LATS1: variants seen among roughly 807,000 people sequenced by gnomAD.
The protein encoded by LATS1 is serine/threonine-protein kinase LATS1.
Under a neutral mutation model 106.6 loss-of-function variants are expected in LATS1, and 25 were observed. The ratio of observed to expected loss-of-function variants is 0.23; its 90% CI spans 0.17 to 0.33. The LOEUF is 0.33. Ranked by LOEUF, LATS1 falls within the 10% of genes least tolerant of loss-of-function variation. The probability of loss-of-function intolerance (pLI) is 1.00; values close to 1 mark genes in which losing one functional copy is unlikely to be tolerated. For missense variants in LATS1, 1,040 were observed against 1,382.6 expected, an observed-to-expected ratio of 0.75 and a Z score of 3.93; for synonymous variants, 465 against 455.6, an observed-to-expected ratio of 1.02 and a Z score of -0.26.
At chr6:149,687,789 G>A (rs1288845339) in intron 3 of LATS1, among the ~76,000 whole-genome samples, 3 of 151,436 alleles carry the variant, frequency 2.0e-5, no homozygotes, top group East Asian at 1.9e-4. Flanking sequence ...GGCTGGTCTC[G>A]AACTCCTGGC....
chr6:149,706,183 C>CAAAAAAAAAAAA lies in LATS1; in HGVS notation c.-140-3929_-140-3918dup, dbSNP rs60729757. On this transcript the variant is annotated intron_variant, in intron 1 of 7. Transcript: ENST00000543571. Reference sequence around the variant, plus strand: ...GGGCAACAAGAGCGAAACCCGGTCGCAAAAAAAAAAAAAAAAAAAAAAAAA... The same window carrying CAAAAAAAAAAAA: ...GGGCAACAAGAGCGAAACCCGGTCGCAAAAAAAAAAAAAAAAAAAAAAAAAAAAAAAAAAAAA... Among the ~76,000 whole-genome samples the CAAAAAAAAAAAA allele has an allele frequency of 4.0e-4, 10 of 25,300 alleles. 2 individuals carry two copies. The highest frequency in any genetic ancestry group is 4.3e-4 in the Non-Finnish European group (6 of 14,072). The allele number at this position is 25,300 out of a possible 152,430, so 16.6% of individuals were successfully genotyped here.
intron 7 of LATS1, among the ~76,000 whole-genome samples, chr6:149,671,037 T>C (rs572171645): frequency 9.9e-5 from 15 of 152,110 alleles, no homozygotes; most frequent in Admixed American, 4.6e-4. Flanking sequence ...AAAAGTACTA[T>C]AGCTTTAAGC....
rs779035607 is a variant in LATS1, at chr6:149,718,043, A to G, written c.-335T>C. The G allele has an allele frequency of 1.5e-4, 49 of 328,956 alleles. 1 individual carries two copies. The highest frequency in any genetic ancestry group is 4.5e-4 in the Admixed American group (8 of 17,916). 20.4% of individuals were successfully genotyped at this position (328,956 alleles called of 1,614,324 possible). On this transcript the variant is annotated 5_prime_UTR_variant, in exon 1 of 8. Coordinates refer to ENST00000543571, the MANE Select transcript of LATS1 (RefSeq NM_004690.4). ...CTGGCTCTCCCCTTAACACCAGGCC[A>G]CCGCCGCCGCCGCCGCCATTTTGCC...
intron 5 of LATS1, among the ~76,000 whole-genome samples, chr6:149,679,181 T>C (rs566101117): frequency 6.6e-6 from 1 of 152,280 alleles, no homozygotes; most frequent in East Asian, 1.9e-4. Context: ...AGTGATTGTT[T>C]AAGGGCTTCT....
intron 1 of LATS1, among the ~76,000 whole-genome samples, chr6:149,704,928 A>T (rs929951018): frequency 2.1e-5 from 3 of 141,458 alleles, no homozygotes; most frequent in African/African-American, 7.7e-5. Context: ...ACACACACAC[A>T]ATTTGCAGCA....
At chr6:149,693,580 G>A (rs140061156) in intron 3 of LATS1, among the ~76,000 whole-genome samples, 218 of 150,560 alleles carry the variant, frequency 1.4e-3, no homozygotes, top group African/African-American at 5.1e-3. Context: ...ACTGCACTCC[G>A]GCCTGGGTGA....
chr6:149,703,362 C>G (rs1783573704), intron 1 of LATS1, among the ~76,000 whole-genome samples: 1 of 152,206 alleles, frequency 6.6e-6, no homozygotes, highest in Non-Finnish European at 1.5e-5. Flanking sequence ...AAGCTATGAA[C>G]TAGGACTCTG....
intron 2 of LATS1, among the ~76,000 whole-genome samples, chr6:149,698,694 C>T (rs1245204664): frequency 6.6e-6 from 1 of 151,840 alleles, no homozygotes; most frequent in Non-Finnish European, 1.5e-5. Context: ...GCTGGGACTA[C>T]AAGCATGTGC....
At chr6:149,667,753 T>G (rs1781234835) in intron 7 of LATS1, among the ~76,000 whole-genome samples, 1 of 152,148 alleles carries the variant, frequency 6.6e-6, no homozygotes, top group East Asian at 1.9e-4. Flanking sequence ...CCCAGACCTA[T>G]CATAATTACG....
chr6:149,665,873 T>C (rs992269285), intron 7 of LATS1, among the ~76,000 whole-genome samples: 3 of 152,086 alleles, frequency 2.0e-5, no homozygotes, highest in African/African-American at 7.2e-5. Context: ...CTGGGCACGG[T>C]GGCTCACGCT....
chr6:149,680,265 T>A lies in LATS1; in HGVS notation c.2203A>T (p.Thr735Ser), dbSNP rs772948162. The A allele has an allele frequency of 1.2e-6, 2 of 1,613,882 alleles. No homozygotes were observed. Among genetic ancestry groups the A allele is most frequent in the Non-Finnish European group, 8.5e-7 (1 of 1,179,974 alleles). ...AGAAGAACATCTTTCTTTCGAAGAG[T>A]TTTTGTTGCATACAAAGCCTTAGTA... ...VDTKALYATK[T>S]LRKKDVLLRN... is the part of the protein sequence containing the mutation. Residue 735 changes from threonine (T) to serine (S), a missense_variant, in exon 5 of 8, where the codon ACT becomes TCT. By Grantham distance (58) the Thr-to-Ser change is moderately conservative. Around this residue, in one of 7 missense-constraint regions of LATS1, gnomAD observed 167 missense variants for 332.1 expected, o/e 0.50. Coordinates refer to ENST00000543571, the MANE Select transcript of LATS1 (RefSeq NM_004690.4).
At chr6:149,672,970 A>G (rs1194609407) in intron 7 of LATS1, among the ~76,000 whole-genome samples, 2 of 151,802 alleles carry the variant, frequency 1.3e-5, no homozygotes, top group African/African-American at 4.9e-5. Flanking sequence ...GAAGAAATGG[A>G]TAGATTTTAT....
intron 1 of LATS1, among the ~76,000 whole-genome samples, chr6:149,716,856 GT>G (rs1323703874): frequency 3.3e-5 from 5 of 152,118 alleles, no homozygotes. Flanking sequence ...CTTTGTTTTC[GT>G]AGCACAGAAC....
intron 2 of LATS1, among the ~76,000 whole-genome samples, chr6:149,698,249 T>C (rs929862010): frequency 2.0e-5 from 3 of 152,132 alleles, no homozygotes; most frequent in African/African-American, 7.2e-5. Flanking sequence ...CTTTTTTTTT[T>C]TTTTTCCCAT....
At chr6:149,689,483 A>C (rs1582889214) in intron 3 of LATS1, among the ~76,000 whole-genome samples, 2 of 151,806 alleles carry the variant, frequency 1.3e-5, no homozygotes, top group East Asian at 1.9e-4. Flanking sequence ...TGTTTAGTGA[A>C]ACTCCAGTCA....
intron 1 of LATS1, among the ~76,000 whole-genome samples, chr6:149,703,624 G>T (rs1394470213): frequency 6.6e-6 from 1 of 152,122 alleles, no homozygotes; most frequent in Admixed American, 6.5e-5. Context: ...CAACACTTGG[G>T]AGGCCAAGAA....
chr6:149,692,679 T>G (rs1582894979), intron 3 of LATS1, among the ~76,000 whole-genome samples: 2 of 146,796 alleles, frequency 1.4e-5, no homozygotes, highest in Non-Finnish European at 3.0e-5. Flanking sequence ...TTTTCTTTCT[T>G]TTTTTTTTTT....
Position 149,701,936 on chromosome 6 carries a change from T to C in LATS1, c.191A>G (p.Gln64Arg). The change falls in exon 2 of 8, where the codon CAA becomes CGA. Residue 64 changes from glutamine to arginine, a missense_variant. By Grantham distance (43) the Gln-to-Arg change is conservative (BLOSUM62 1). Transcript: ENST00000543571. ...CCCAAATTTGGGTGGATTTCTGACT[T>C]GTCGAGGATCTTCGGTTGACATTTT... Reference protein sequence around the residue: ...MSKMSTEDPRQVRNPPKFGTH... With the variant: ...MSKMSTEDPRRVRNPPKFGTH... 6.2e-7 allele frequency: 1 copy of C among 1,614,216 alleles called. No homozygotes were observed. Among genetic ancestry groups the C allele is most frequent in the Non-Finnish European group, 8.5e-7 (1 of 1,180,040 alleles).
At position 149,659,388 on chromosome 6, in the gene LATS1, A is replaced by T. The variant is rs1182325668; in HGVS notation, c.*2341T>A. On this transcript the variant is annotated 3_prime_UTR_variant, in exon 8 of 8. Coordinates refer to ENST00000543571, the MANE Select transcript of LATS1 (RefSeq NM_004690.4). Reference sequence around the variant, plus strand: ...GGCGGGAGGACTGCGTGAGCCCCCAAGGTTGAGGATGCAGTGAGCTGTGAA... The same window carrying T: ...GGCGGGAGGACTGCGTGAGCCCCCATGGTTGAGGATGCAGTGAGCTGTGAA... 1 of 205,600 alleles carries T rather than the reference A, an allele frequency of 4.9e-6. No individual in the cohort carries two copies. The highest frequency in any genetic ancestry group is 1.0e-5 in the Non-Finnish European group (1 of 100,372). The allele number at this position is 205,600 out of a possible 1,614,324, so 12.7% of individuals were successfully genotyped here.
Sources: allele counts gnomAD v4.1 joint callset (sites outside exome capture counted in the v4.1 genomes callset), GRCh38; gene constraint gnomAD v4.1.1; regional missense constraint gnomAD v4.1.1; transcripts MANE v1.5; gene names NCBI Gene and HGNC (gene_info 2026-07-23, HGNC 2026-07-21).